The following RGS5 variants were observed in gnomAD, a reference collection of about 807,000 sequenced individuals.
The protein encoded by RGS5 is regulator of G-protein signalling 5.
RGS5 carries 20 observed loss-of-function variants against 18.9 expected under a neutral mutation model. The observed-to-expected ratio is 1.06, with a 90% CI of 0.74 to 1.54. The LOEUF is 1.54. RGS5 is among the 40% of genes most tolerant of loss of function. The pLI, the probability that RGS5 is intolerant of heterozygous loss-of-function variation, is 0.00. For missense variants in RGS5, 201 were observed against 211.8 expected (o/e 0.95, Z 0.32); for synonymous variants, 57 against 76.2 (o/e 0.75, Z 1.31).
intron 2 of RGS5, among the ~76,000 whole-genome samples, chr1:163,251,505 A>ATCAGAACCCAGGGTTTGG (rs1466991473): frequency 6.6e-6 from 1 of 152,174 alleles, no homozygotes; most frequent in Admixed American, 6.5e-5. Flanking sequence ...TTCTTAATGT[A>ATCAGAACCCAGGGTTTGG]TCAGAACCCA....
intron 2 of RGS5, among the ~76,000 whole-genome samples, chr1:163,289,432 A>G (rs1032214711): frequency 2.0e-5 from 3 of 152,110 alleles, no homozygotes; most frequent in Non-Finnish European, 4.4e-5. Context: ...TCAAATCTAG[A>G]GAACGCATGA....
chr1:163,163,800 A>G (rs1657913810), intron 2 of RGS5, among the ~76,000 whole-genome samples: 1 of 152,236 alleles, frequency 6.6e-6, no homozygotes, highest in Non-Finnish European at 1.5e-5. Context: ...AAAGTAGCTC[A>G]GAGCAAGAGG....
At chr1:163,307,598 G>C (rs1375112966) in intron 1 of RGS5, among the ~76,000 whole-genome samples, 2 of 149,856 alleles carry the variant, frequency 1.3e-5, no homozygotes, top group Non-Finnish European at 3.0e-5. Flanking sequence ...AATGGCAAGT[G>C]AGATAACTTT....
chr1:163,225,901 TAGG>T (rs1463054080), intron 2 of RGS5, among the ~76,000 whole-genome samples: 1 of 149,022 alleles, frequency 6.7e-6, no homozygotes, highest in Non-Finnish European at 1.5e-5. Context: ...TCAATTCAGT[TAGG>T]AGGTCAAAAT....
In RGS5 at chr1:163,247,120, A is replaced by T. The variant is rs75044567; in HGVS notation, c.-281+59113T>A. Among the ~76,000 whole-genome samples, 184 of 91,550 alleles carry T rather than the reference A, an allele frequency of 2.0e-3. 1 individual carries two copies. Among genetic ancestry groups the T allele is most frequent in the African/African-American group, 0.012 (183 of 15,528 alleles). 60.1% of individuals were successfully genotyped at this position (91,550 alleles called of 152,430 possible). Reference sequence around the variant, plus strand: ...GGAGAAGGGTGAAGATTGAAAGCCAACCTATTGGATTGTACTCTCATTACC... The same window carrying T: ...GGAGAAGGGTGAAGATTGAAAGCCATCCTATTGGATTGTACTCTCATTACC... On this transcript the variant is annotated intron_variant, in intron 2 of 5. Transcript: ENST00000618415.
upstream of RGS5, among the ~76,000 whole-genome samples, chr1:163,221,607 A>G (rs1201847052): frequency 6.6e-6 from 1 of 152,250 alleles, no homozygotes; most frequent in Non-Finnish European, 1.5e-5. Flanking sequence ...TAGTCATACC[A>G]GACAAAAAGA....
In RGS5 at chr1:163,144,373, C is replaced by T. The variant is rs1657047187; in HGVS notation, c.*2969G>A. The T allele has an allele frequency of 6.6e-6, 1 of 152,118 alleles. No individual in the cohort carries two copies. Among genetic ancestry groups the T allele is most frequent in the African/African-American group, 2.4e-5 (1 of 41,438 alleles). The allele number at this position is 152,118 out of a possible 1,614,324, so 9.4% of individuals were successfully genotyped here. A position where few individuals can be genotyped will look rare whatever the true frequency, so the allele number is the denominator to read the frequency against. On this transcript the variant is annotated 3_prime_UTR_variant, in exon 5 of 5. Transcript: ENST00000313961. ...TGATGTAATTTAGATCTTAATCTAA[C>T]CCCAACCCTAAACTATATCAAACCC...
chr1:163,264,488 C>A (rs1648527972), intron 2 of RGS5, among the ~76,000 whole-genome samples: 1 of 152,122 alleles, frequency 6.6e-6, no homozygotes, highest in African/African-American at 2.4e-5. Context: ...ATCCTACACC[C>A]CACACATTTC....
At chr1:163,191,051 G>A (rs1043098267) in intron 1 of RGS5, among the ~76,000 whole-genome samples, 3 of 152,126 alleles carry the variant, frequency 2.0e-5, no homozygotes, top group African/African-American at 7.2e-5. Flanking sequence ...TGAAATGAGT[G>A]GACATGGGAG....
chr1:163,221,488 A>AAATCAATC (rs531668371), upstream of RGS5, among the ~76,000 whole-genome samples: 53 of 147,596 alleles, frequency 3.6e-4, no homozygotes, highest in South Asian at 1.3e-3. Flanking sequence ...TACATCTCAA[A>AAATCAATC]AATCAATCAA....
chr1:163,157,243 A>T (rs550108066), intron 3 of RGS5, among the ~76,000 whole-genome samples: 10 of 152,160 alleles, frequency 6.6e-5, no homozygotes, highest in Non-Finnish European at 1.3e-4. Flanking sequence ...GGAACTATTA[A>T]ATGTCACTCT....
At chr1:163,225,228 GACT>G (rs1388456768) in intron 2 of RGS5, among the ~76,000 whole-genome samples, 3 of 152,128 alleles carry the variant, frequency 2.0e-5, no homozygotes, top group African/African-American at 7.2e-5. Flanking sequence ...AGCAAGAGAA[GACT>G]AGCTTCCTCA....
intron 1 of RGS5, among the ~76,000 whole-genome samples, chr1:163,169,893 C>G (rs1658223420): frequency 6.6e-6 from 1 of 152,120 alleles, no homozygotes; most frequent in South Asian, 2.1e-4. Context: ...TAAATGAGTA[C>G]TAATTGCCAA....
intron 2 of RGS5, among the ~76,000 whole-genome samples, chr1:163,265,462 A>G (rs546799102): frequency 6.6e-6 from 1 of 152,202 alleles, no homozygotes; most frequent in Non-Finnish European, 1.5e-5. Flanking sequence ...TCCTCTTCTA[A>G]CCTGCATTTA....
intron 1 of RGS5, among the ~76,000 whole-genome samples, chr1:163,186,191 C>T (rs1208809388): frequency 6.6e-6 from 1 of 151,852 alleles, no homozygotes; most frequent in Non-Finnish European, 1.5e-5. Flanking sequence ...CTGCCTCAGC[C>T]TCCTGAGTAG....
intron 1 of RGS5, among the ~76,000 whole-genome samples, chr1:163,182,332 G>A (rs1283440863): frequency 6.6e-6 from 1 of 152,158 alleles, no homozygotes; most frequent in East Asian, 1.9e-4. Flanking sequence ...GAAAGCAAGT[G>A]TGGAGACCTC....
intron 2 of RGS5, among the ~76,000 whole-genome samples, chr1:163,231,344 A>T (rs960304120): frequency 1.3e-5 from 2 of 152,212 alleles, no homozygotes; most frequent in East Asian, 3.9e-4. Context: ...GCAAGAAAAC[A>T]GAGGCATGGA....
chr1:163,263,800 G>C (rs1648509817), intron 2 of RGS5, among the ~76,000 whole-genome samples: 1 of 151,622 alleles, frequency 6.6e-6, no homozygotes, highest in Admixed American at 6.6e-5. Flanking sequence ...AATCATGAAA[G>C]AGATATGAAC....
At chr1:163,190,721 C>A (rs1253161357) in intron 1 of RGS5, among the ~76,000 whole-genome samples, 2 of 152,146 alleles carry the variant, frequency 1.3e-5, no homozygotes, top group Non-Finnish European at 2.9e-5. Context: ...ACAGGTGAGC[C>A]CAGTGGGCTG....
Sources: gnomAD v4.1 joint callset for allele counts (sites outside exome capture counted in the v4.1 genomes callset) on GRCh38, gnomAD v4.1.1 for gene constraint, MANE v1.5 for transcripts, NCBI Gene and HGNC (gene_info 2026-07-23, HGNC 2026-07-21) for gene names.